The following POU6F2 variants were observed in gnomAD, a reference collection of about 807,000 sequenced individuals.
The protein encoded by POU6F2 is POU class 6 homeobox 2, also known as POU domain, class 6, transcription factor 2.
A neutral mutation model predicts 71.3 loss-of-function variants in POU6F2; 31 were observed. The observed-to-expected ratio is 0.43, with a 90% CI of 0.33 to 0.59. The LOEUF (loss-of-function observed/expected upper bound fraction) is 0.59, where lower values mean the gene tolerates loss of function less well. Among genes scored for constraint, POU6F2 ranks in the 20% least tolerant of loss-of-function variants. The probability of loss-of-function intolerance (pLI) is 0.04; values close to 1 mark genes in which losing one functional copy is unlikely to be tolerated. For synonymous variants in POU6F2, 347 were observed against 355.7 expected (o/e 0.98, Z 0.27); for missense variants, 783 against 856.8 (o/e 0.91, Z 1.07).
At chr7:39,269,722 G>A (rs1263286324) in intron 4 of POU6F2, among the ~76,000 whole-genome samples, 2 of 152,158 alleles carry the variant, frequency 1.3e-5, no homozygotes, top group African/African-American at 2.4e-5. Context: ...AGCCTGCTAG[G>A]GCTTTGTGTT....
rs1352831504 is a variant in POU6F2, at chr7:39,467,148, C to T, written c.*2462C>T. 2 of 152,108 alleles carry T rather than the reference C, an allele frequency of 1.3e-5. No homozygotes were observed. The highest frequency in any genetic ancestry group is 4.8e-5 in the African/African-American group (2 of 41,410). The allele number at this position is 152,108 out of a possible 1,614,324, so 9.4% of individuals were successfully genotyped here. ...AAAAGAAATATATTCATCCGACAGT[C>T]GTAACACCATTCATGTGCAGTGATT... On this transcript the variant is annotated 3_prime_UTR_variant, in exon 10 of 10. Coordinates refer to ENST00000518318, the MANE Select transcript of POU6F2 (RefSeq NM_001370959.1).
intron 5 of POU6F2, among the ~76,000 whole-genome samples, chr7:39,382,290 ACAGAGAGACAGAACAGAGGTT>A (rs1267396551): frequency 5.9e-5 from 9 of 152,282 alleles, no homozygotes; most frequent in Admixed American, 3.3e-4. Flanking sequence ...GAAACATACA[ACAGAGAGACAGAACAGAGGTT>A]CAGAGAGACA....
At chr7:39,456,699 A>G (rs1788814735) in intron 8 of POU6F2, among the ~76,000 whole-genome samples, 1 of 152,240 alleles carries the variant, frequency 6.6e-6, no homozygotes, top group Non-Finnish European at 1.5e-5. Flanking sequence ...TTTTCTGGAT[A>G]AGAACACTAA....
In POU6F2 at chr7:39,154,160, C is replaced by A. The variant is rs1002290352; in HGVS notation, c.278-50075C>A. On this transcript the variant is annotated intron_variant, in intron 2 of 9. Coordinates refer to ENST00000518318, the MANE Select transcript of POU6F2 (RefSeq NM_001370959.1). ...TTAATCTGGTTAAGTCATTTAAAAT[C>A]AAGTTAAAGGGATGTGTTTCCTACT... Among the ~76,000 whole-genome samples, 6 of 152,292 alleles carry A rather than the reference C, an allele frequency of 3.9e-5. 1 individual carries two copies. The highest frequency in any genetic ancestry group is 3.4e-3 in the Middle Eastern group (1 of 294).
At chr7:39,091,987 G>A (rs1189393998) in intron 2 of POU6F2, among the ~76,000 whole-genome samples, 4 of 152,196 alleles carry the variant, frequency 2.6e-5, no homozygotes, top group African/African-American at 9.7e-5. Flanking sequence ...TGAAGAGGAA[G>A]GGTAGAAGGT....
At chr7:39,142,652 T>C (rs1283086581) in intron 2 of POU6F2, among the ~76,000 whole-genome samples, 3 of 152,232 alleles carry the variant, frequency 2.0e-5, no homozygotes, top group African/African-American at 7.2e-5. Context: ...TTGTAAATTC[T>C]CTTGGCTTTC....
intron 1 of POU6F2, among the ~76,000 whole-genome samples, chr7:39,004,447 T>C (rs777928728): frequency 6.6e-6 from 1 of 152,220 alleles, no homozygotes; most frequent in Non-Finnish European, 1.5e-5. Flanking sequence ...GAATGAGAAT[T>C]TGTTCCACTA....
At chr7:39,331,933 T>G (rs193264833) in intron 4 of POU6F2, among the ~76,000 whole-genome samples, 1 of 152,360 alleles carries the variant, frequency 6.6e-6, no homozygotes, top group East Asian at 1.9e-4. Flanking sequence ...TTATGCTGTT[T>G]GTTTGTTTTG....
At position 39,133,968 on chromosome 7, in the gene POU6F2, G is replaced by T. The variant is rs76495143; in HGVS notation, c.277+47937G>T. Reference sequence around the variant, plus strand: ...TGGCTCACTACAGCCTTGACCTCTTGGGCTCAAGGGATCCTCCCACCTCAG... The same window carrying T: ...TGGCTCACTACAGCCTTGACCTCTTTGGCTCAAGGGATCCTCCCACCTCAG... On this transcript the variant is annotated intron_variant, in intron 2 of 9. Transcript: ENST00000518318. 1.5e-3 allele frequency among the ~76,000 whole-genome samples: 226 copies of T among 152,048 alleles called. 1 individual carries two copies. The highest frequency in any genetic ancestry group is 5.3e-3 in the African/African-American group (219 of 41,474).
At chr7:39,272,493 A>G (rs1195396378) in intron 4 of POU6F2, among the ~76,000 whole-genome samples, 2 of 152,208 alleles carry the variant, frequency 1.3e-5, no homozygotes, top group South Asian at 2.1e-4. Flanking sequence ...TAGGAGCCCA[A>G]TAAATAAATG....
intron 4 of POU6F2, among the ~76,000 whole-genome samples, chr7:39,314,329 A>G (rs1480293213): frequency 6.6e-6 from 1 of 151,956 alleles, no homozygotes; most frequent in Non-Finnish European, 1.5e-5. Context: ...TCTTTTGAAA[A>G]TTGTCATTAA....
At chr7:39,434,965 A>C (rs1324000249) in intron 7 of POU6F2, among the ~76,000 whole-genome samples, 1 of 152,274 alleles carries the variant, frequency 6.6e-6, no homozygotes, top group East Asian at 1.9e-4. Context: ...ACATGACCTC[A>C]TTCCTTTTTA....
At chr7:39,123,276 G>A (rs1792081560) in intron 2 of POU6F2, among the ~76,000 whole-genome samples, 2 of 152,182 alleles carry the variant, frequency 1.3e-5, no homozygotes, top group African/African-American at 2.4e-5. Flanking sequence ...ATTATCTTAT[G>A]TTCCTATGGC....
At chr7:39,096,970 T>G (rs1057270960) in intron 2 of POU6F2, among the ~76,000 whole-genome samples, 3 of 152,192 alleles carry the variant, frequency 2.0e-5, no homozygotes, top group Admixed American at 2.0e-4. Flanking sequence ...TATGTGGAAT[T>G]ATTTTTTAAA....
rs774072086 is a variant in POU6F2 at position 39,451,682 on chromosome 7, C to G, written c.1470C>G (p.Ser490Arg). ...SSSSSSSSAL[S>R]VGQLVSNPQT... ...CATCCTCCTCTTCTTCAGCTTTGAGCGTGGGCCAGTTAGTCAGCAGTAAGT... is the reference window on the plus strand; with the variant it reads ...CATCCTCCTCTTCTTCAGCTTTGAGGGTGGGCCAGTTAGTCAGCAGTAAGT... Residue 490 changes from serine (S) to arginine (R), a missense_variant, in exon 8 of 10, where the codon AGC becomes AGG. By Grantham distance (110) the Ser-to-Arg change is moderately radical. Transcript: ENST00000518318. 6.3e-7 allele frequency: 1 copy of G among 1,599,358 alleles called. No individual in the cohort carries two copies. Among genetic ancestry groups the G allele is most frequent in the Non-Finnish European group, 8.5e-7 (1 of 1,172,822 alleles).
intron 4 of POU6F2, among the ~76,000 whole-genome samples, chr7:39,303,811 T>G (rs759051680): frequency 6.6e-6 from 1 of 152,236 alleles, no homozygotes; most frequent in Non-Finnish European, 1.5e-5. Context: ...GAAATTGTCT[T>G]ATTAATTCTT....
At chr7:39,330,463 C>T (rs1480697372) in intron 4 of POU6F2, among the ~76,000 whole-genome samples, 1 of 152,138 alleles carries the variant, frequency 6.6e-6, no homozygotes, top group Non-Finnish European at 1.5e-5. Flanking sequence ...TTTGTGTTCT[C>T]GTGAAATCTT....
intron 2 of POU6F2, among the ~76,000 whole-genome samples, chr7:39,101,055 A>G (rs1237973924): frequency 1.4e-5 from 2 of 147,192 alleles, no homozygotes; most frequent in South Asian, 2.2e-4. Context: ...TCATATTTTT[A>G]TAAAAGTTAA....
rs991151764 is a variant in POU6F2, at chr7:39,092,018, C to T, written c.277+5987C>T. Among the ~76,000 whole-genome samples, 5 of 152,202 alleles carry T rather than the reference C, an allele frequency of 3.3e-5. No individual in the cohort carries two copies. The East Asian group carries it at 9.6e-4, about 29-fold the overall frequency. On this transcript the variant is annotated intron_variant, in intron 2 of 9. Coordinates refer to ENST00000518318, the MANE Select transcript of POU6F2 (RefSeq NM_001370959.1). ...AAGGTTCAGTTCTGCTACTGGGCTG[C>T]CCTGATTATTCAGGCCTTCCCTGGG...
Sources: gnomAD v4.1 joint callset for allele counts (sites outside exome capture counted in the v4.1 genomes callset) on GRCh38, gnomAD v4.1.1 for gene constraint, MANE v1.5 for transcripts, NCBI Gene and HGNC (gene_info 2026-07-23, HGNC 2026-07-21) for gene names.